The following RTTN variants were observed in gnomAD, a reference collection of about 807,000 sequenced individuals.
RTTN encodes the protein rotatin.
RTTN carries 182 observed loss-of-function variants against 269.2 expected under a neutral mutation model. The ratio of observed to expected loss-of-function variants is 0.68; its 90% confidence interval spans 0.60 to 0.76. The LOEUF (loss-of-function observed/expected upper bound fraction) is 0.76. Among genes scored for constraint, RTTN ranks in the 30% least tolerant of loss-of-function variants. The pLI is 0.00. For missense variants in RTTN, 2,545 were observed against 2,608.6 expected, an observed-to-expected ratio of 0.98 and a Z score of 0.53; for synonymous variants, 1,006 against 963.5, an observed-to-expected ratio of 1.04 and a Z score of -0.82.
intron 44 of RTTN, among the ~76,000 whole-genome samples, chr18:70,023,777 C>A (rs1360497709): frequency 6.6e-6 from 1 of 152,094 alleles, no homozygotes; most frequent in Non-Finnish European, 1.5e-5. Context: ...CCACCCAGGG[C>A]AATTTTTCTT....
intron 18 of RTTN, among the ~76,000 whole-genome samples, chr18:70,142,712 G>C (rs1236247538): frequency 2.0e-5 from 3 of 152,126 alleles, no homozygotes; most frequent in Admixed American, 6.6e-5. Context: ...GGCCGGGTGC[G>C]ATGGCTCACG....
chr18:70,028,802 CTATT>C lies in RTTN; in HGVS notation c.5746-5_5746-2del. The C allele has an allele frequency of 6.2e-7, 1 of 1,606,442 alleles. No individual in the cohort carries two copies. Among genetic ancestry groups the C allele is most frequent in the Non-Finnish European group, 8.5e-7 (1 of 1,174,278 alleles). Reference sequence around the variant, plus strand: ...TTAACTCTTTAATAACACCATCCTCCTATTTAAACAAAAAGCAGTTGAAAACTGT... The same window carrying C: ...TTAACTCTTTAATAACACCATCCTCCTAAACAAAAAGCAGTTGAAAACTGT... On this transcript the variant is annotated splice_acceptor_variant and splice_polypyrimidine_tract_variant and intron_variant, in intron 42 of 48. Transcript: ENST00000640769. LOFTEE classifies it high-confidence loss of function.
In RTTN at chr18:70,017,616, A is replaced by T; in HGVS notation, c.6212T>A (p.Leu2071Gln). 6.2e-7 allele frequency: 1 copy of T among 1,613,670 alleles called. No homozygotes were observed. The highest frequency in any genetic ancestry group is 2.2e-5 in the East Asian group (1 of 44,864). The change falls in exon 46 of 49, where the codon CTA becomes CAA. Residue 2071 changes from leucine (L) to glutamine (Q), a missense_variant. Leu to Gln is a moderately radical substitution (Grantham distance 113). Coordinates refer to ENST00000640769, the MANE Select transcript of RTTN (RefSeq NM_173630.4). The part of the protein sequence containing the change: ...LALPKGGNKH[L>Q]SNLTILWLKL... ...CAACCAAAGAATAGTCAGATTACTT[A>T]GATGTTTATTTCCTCCTTTTGGCAA...
At chr18:70,145,923 ACT>A in intron 17 of RTTN, 140 bp from the exon 18 acceptor site, 1 of 497,694 alleles carries the variant, frequency 2.0e-6, no homozygotes, top group Non-Finnish European at 3.4e-6. Context: ...GTAATAATTT[ACT>A]TTTTCTACTA....
chr18:70,079,974 A>C (rs145046904), intron 32 of RTTN, among the ~76,000 whole-genome samples: 1 of 152,176 alleles, frequency 6.6e-6, no homozygotes, highest in African/African-American at 2.4e-5. Flanking sequence ...TATAACAAAA[A>C]TGCTATAATC....
At chr18:70,122,328 T>C (rs2059760089) in intron 25 of RTTN, among the ~76,000 whole-genome samples, 1 of 151,984 alleles carries the variant, frequency 6.6e-6, no homozygotes, top group African/African-American at 2.4e-5. Context: ...AAGGGAGAAG[T>C]AGTTTGGAAA....
rs555396033 is a variant in RTTN at position 70,106,788 on chromosome 18, A to AG, written c.3903+2709dup. ...TATATGATGTCAAGAAGTCACCCAC[A>AG]GCATGAAAAAAAAACAGGAGGTTAT... On this transcript the variant is annotated intron_variant, in intron 28 of 48. Transcript: ENST00000640769. Among the ~76,000 whole-genome samples, 182 of 152,262 alleles carry AG rather than the reference A, an allele frequency of 1.2e-3. 1 individual carries two copies. Among genetic ancestry groups the AG allele is most frequent in the South Asian group, 3.9e-3 (19 of 4,824 alleles).
chr18:70,020,267 C>T lies in RTTN; in HGVS notation c.6153+348G>A, dbSNP rs557924188. ...TGAAATTAAACTGAAATTGTTACTG[C>T]CCAATTTGGTCTGTTTAAAGACCAA... is the stretch of plus-strand genomic sequence containing the variant. On this transcript the variant is annotated intron_variant, in intron 45 of 48. Coordinates refer to ENST00000640769, the MANE Select transcript of RTTN (RefSeq NM_173630.4). 3.9e-5 allele frequency among the ~76,000 whole-genome samples: 6 copies of T among 152,238 alleles called. No homozygotes were observed. The South Asian group carries it at 8.3e-4, about 21-fold the overall frequency.
chr18:70,188,329 T>A, intron 9 of RTTN, 106 bp from the exon 10 acceptor site: 1 of 635,028 alleles, frequency 1.6e-6, no homozygotes, highest in South Asian at 2.0e-5. Flanking sequence ...TGCTCCAACA[T>A]TTTCTCTTTT....
At chr18:70,176,437 T>C (rs1485786527) in intron 11 of RTTN, among the ~76,000 whole-genome samples, 1 of 152,126 alleles carries the variant, frequency 6.6e-6, no homozygotes, top group Non-Finnish European at 1.5e-5. Flanking sequence ...ATAAAACATA[T>C]GCAATAAAAG....
chr18:70,055,781 C>A (rs73964484), intron 37 of RTTN, among the ~76,000 whole-genome samples: 5,858 of 152,230 alleles, frequency 0.038, 204 homozygotes, highest in African/African-American at 0.093. Context: ...ATAAAATATT[C>A]ATATCTTAAG....
intron 20 of RTTN, 92 bp from the exon 21 acceptor site, chr18:70,139,808 G>T: frequency 1.3e-6 from 1 of 781,778 alleles, no homozygotes; most frequent in Non-Finnish European, 2.1e-6. Context: ...TAAATTTTAT[G>T]CGTTTTCATC....
chr18:70,039,439 T>C (rs2055203632), intron 40 of RTTN, among the ~76,000 whole-genome samples: 1 of 152,000 alleles, frequency 6.6e-6, no homozygotes, highest in Admixed American at 6.5e-5. Flanking sequence ...AAAAAAACTT[T>C]ACCCTAGAAT....
rs117753861 is a variant in RTTN at position 70,171,080 on chromosome 18, A to C, written c.1477-2013T>G. Reference sequence around the variant, plus strand: ...TTATTGTCACCCAAGTGAAGACATCAAAAAGGACACTGGATACAGGTAAGT... The same window carrying C: ...TTATTGTCACCCAAGTGAAGACATCCAAAAGGACACTGGATACAGGTAAGT... On this transcript the variant is annotated intron_variant, in intron 11 of 48. Transcript: ENST00000640769. Among the ~76,000 whole-genome samples the C allele has an allele frequency of 6.0e-3, 908 of 152,324 alleles. 3 individuals are homozygous for C. Among genetic ancestry groups the C allele is most frequent in the Middle Eastern group, 0.01 (3 of 294 alleles).
At chr18:70,148,088 C>T (rs779815788) in intron 17 of RTTN, among the ~76,000 whole-genome samples, 8 of 152,132 alleles carry the variant, frequency 5.3e-5, no homozygotes, top group Non-Finnish European at 1.0e-4. Flanking sequence ...ATTTCCTTAT[C>T]TTTCAGTCCA....
intron 46 of RTTN, among the ~76,000 whole-genome samples, chr18:70,015,989 G>C (rs537470070): frequency 6.6e-6 from 1 of 152,150 alleles, no homozygotes; most frequent in Non-Finnish European, 1.5e-5. Flanking sequence ...GAGGGCTGAA[G>C]CAGCTACAGT....
chr18:70,127,762 TGAA>T (rs1385779713), intron 24 of RTTN, 21 bp from the exon 25 acceptor site: 5 of 1,585,056 alleles, frequency 3.2e-6, no homozygotes, highest in East Asian at 2.2e-5. Context: ...AGAAAAAAAA[TGAA>T]GGAGGAACAT....
In RTTN at chr18:70,086,687, G is replaced by A. The variant is rs1599460008; in HGVS notation, c.4303-3C>T. Reference sequence around the variant, plus strand: ...AGATTCTGAAGAATAAATGCCGCCTGAAAATGTAAAAAAAAAAAAAAAAAA... The same window carrying A: ...AGATTCTGAAGAATAAATGCCGCCTAAAAATGTAAAAAAAAAAAAAAAAAA... On this transcript the variant is annotated splice_region_variant and splice_polypyrimidine_tract_variant and intron_variant, in intron 31 of 48. Coordinates refer to ENST00000640769, the MANE Select transcript of RTTN (RefSeq NM_173630.4). The A allele has an allele frequency of 3.6e-5, 8 of 221,322 alleles. No individual in the cohort carries two copies. The highest frequency in any genetic ancestry group is 5.6e-5 in the Non-Finnish European group (7 of 124,414). The allele number at this position is 221,322 out of a possible 1,614,324, so 13.7% of individuals were successfully genotyped here.
At chr18:70,054,722 G>C (rs2057768626) in intron 37 of RTTN, among the ~76,000 whole-genome samples, 1 of 152,112 alleles carries the variant, frequency 6.6e-6, no homozygotes, top group Non-Finnish European at 1.5e-5. Flanking sequence ...GGGAGGCTGA[G>C]ATGGGAGGAC....
Sources: gnomAD v4.1 joint callset for allele counts (sites outside exome capture counted in the v4.1 genomes callset) on GRCh38, gnomAD v4.1.1 for gene constraint, MANE v1.5 for transcripts, NCBI Gene and HGNC (gene_info 2026-07-23, HGNC 2026-07-21) for gene names.